TMPRSS13: variants seen among roughly 807,000 people sequenced by gnomAD.
TMPRSS13 encodes the protein transmembrane protease serine 13.
In TMPRSS13, 50 loss-of-function variants were observed where a neutral mutation model predicts 68.4. That is an observed-to-expected ratio of 0.73 (90% CI 0.58 to 0.93). The LOEUF (loss-of-function observed/expected upper bound fraction) is 0.93. TMPRSS13 is among the 40% of genes least tolerant of loss of function. The pLI, the probability that TMPRSS13 is intolerant of heterozygous loss-of-function variation, is 0.00. For missense variants in TMPRSS13, 615 were observed against 729.2 expected (o/e 0.84, Z 1.80); for synonymous variants, 267 against 285.8 (o/e 0.93, Z 0.66).
At position 117,922,591 on chromosome 11, in the gene TMPRSS13, C is replaced by G. The variant is rs1046444033; in HGVS notation, c.22-3753G>C. Among the ~76,000 whole-genome samples, 1 of 152,182 alleles carries G rather than the reference C, an allele frequency of 6.6e-6. No homozygotes were observed. The highest frequency in any genetic ancestry group is 2.4e-5 in the African/African-American group (1 of 41,454). ...AACCAGGACCAGAACCCAAGCTTCC[C>G]AAATCCTGGCCTTTGGCAGTGAGCC... On this transcript the variant is annotated intron_variant, in intron 1 of 12. Coordinates refer to ENST00000524993, the MANE Select transcript of TMPRSS13 (RefSeq NM_001077263.3). The surrounding 1 kb of genome is among the most constrained non-coding windows in gnomAD (Gnocchi z 4.2).
At position 117,922,467 on chromosome 11, in the gene TMPRSS13, T is replaced by G. The variant is rs914822999; in HGVS notation, c.22-3629A>C. Among the ~76,000 whole-genome samples, 13 of 152,168 alleles carry G rather than the reference T, an allele frequency of 8.5e-5. No homozygotes were observed. The highest frequency in any genetic ancestry group is 2.4e-4 in the African/African-American group (10 of 41,442). On this transcript the variant is annotated intron_variant, in intron 1 of 12. Coordinates refer to ENST00000524993, the MANE Select transcript of TMPRSS13 (RefSeq NM_001077263.3). This position sits in a 1 kb window ranked among gnomAD's most constrained non-coding sequence, Gnocchi z 4.2. Reference sequence around the variant, plus strand: ...CCAGGATGGTCTCGATCTCTTGATCTTGCGCCCGCCTCAGCCTCCCAAAGT... The same window carrying G: ...CCAGGATGGTCTCGATCTCTTGATCGTGCGCCCGCCTCAGCCTCCCAAAGT...
intron 1 of TMPRSS13, among the ~76,000 whole-genome samples, chr11:117,923,206 A>T (rs929415699): frequency 2.0e-5 from 3 of 152,196 alleles, no homozygotes; most frequent in Non-Finnish European, 4.4e-5. Context: ...ACAGCAGAGG[A>T]GGGACTAAAC....
At chr11:117,909,656 A>C (rs1382319867) in intron 8 of TMPRSS13, 150 bp downstream of exon 8, 3 of 917,598 alleles carry the variant, frequency 3.3e-6, no homozygotes, top group African/African-American at 3.3e-5. Flanking sequence ...GGACCAGGTG[A>C]ACACCCAAGC....
chr11:117,923,919 C>T (rs535582884), intron 1 of TMPRSS13, among the ~76,000 whole-genome samples: 7 of 150,762 alleles, frequency 4.6e-5, no homozygotes, highest in South Asian at 2.1e-4. Context: ...GGCCTGAGGG[C>T]GGGTGCATCA....
rs781345217 is a variant in TMPRSS13 at position 117,918,440 on chromosome 11, T to C, written c.420A>G (p.Ala140=). Residue 140 remains alanine (A), a synonymous_variant, in exon 2 of 13, where the codon GCA becomes GCG. Coordinates refer to ENST00000524993, the MANE Select transcript of TMPRSS13 (RefSeq NM_001077263.3). The part of the protein sequence containing the change: ...VPIRSSPARS[A]PATRATRESP... ...TCTCCCTGGTGGCCCTGGTTGCTGG[T>C]GCTGACCTGGCAGGAGATGATCGGA... 6.8e-6 allele frequency: 11 copies of C among 1,613,902 alleles called. No individual in the cohort carries two copies. The highest frequency in any genetic ancestry group is 9.3e-6 in the Non-Finnish European group (11 of 1,179,916).
chr11:117,929,165 G>C, intron 1 of TMPRSS13, 122 bp downstream of exon 1: 1 of 721,562 alleles, frequency 1.4e-6, no homozygotes, highest in Non-Finnish European at 2.1e-6. Flanking sequence ...CAAACTAGAA[G>C]AGGCACAGCC....
intron 5 of TMPRSS13, among the ~76,000 whole-genome samples, chr11:117,913,022 T>C (rs2057538786): frequency 6.6e-6 from 1 of 152,090 alleles, no homozygotes; most frequent in Admixed American, 6.5e-5. Context: ...GTGGAGAACA[T>C]GTTCTAAATC....
Position 117,914,253 on chromosome 11 carries a change from A to C in TMPRSS13, c.679+139T>G. On this transcript the variant is annotated intron_variant, in intron 4 of 12. Transcript: ENST00000524993. The surrounding 1 kb of genome is among the most constrained non-coding windows in gnomAD (Gnocchi z 4.2). ...TACGTGCACACACACATACATGCAT[A>C]CACACAAACATGCACATACACACAC... 1 of 1,180,676 alleles carries C rather than the reference A, an allele frequency of 8.5e-7. No individual in the cohort carries two copies. Among genetic ancestry groups the C allele is most frequent in the Non-Finnish European group, 1.2e-6 (1 of 818,828 alleles). 73.1% of individuals were successfully genotyped at this position (1,180,676 alleles called of 1,614,324 possible). A position where few individuals can be genotyped will look rare whatever the true frequency, so the allele number is the denominator to read the frequency against.
rs1197525041 is a variant in TMPRSS13, at chr11:117,914,256, C to CACAA, written c.679+132_679+135dup. 45 of 1,227,760 alleles carry CACAA rather than the reference C, an allele frequency of 3.7e-5. No individual in the cohort carries two copies. The highest frequency in any genetic ancestry group is 2.7e-4 in the Middle Eastern group (1 of 3,708). 76.1% of individuals were successfully genotyped at this position (1,227,760 alleles called of 1,614,324 possible). A position where few individuals can be genotyped will look rare whatever the true frequency, so the allele number is the denominator to read the frequency against. On this transcript the variant is annotated intron_variant, in intron 4 of 12. Coordinates refer to ENST00000524993, the MANE Select transcript of TMPRSS13 (RefSeq NM_001077263.3). This position sits in a 1 kb window ranked among gnomAD's most constrained non-coding sequence, Gnocchi z 4.2. The stretch of plus-strand genomic sequence containing the variant: ...GTGCACACACACATACATGCATACA[C>CACAA]ACAAACATGCACATACACACACATG...
intron 1 of TMPRSS13, among the ~76,000 whole-genome samples, chr11:117,924,370 T>C (rs1461594900): frequency 1.3e-5 from 2 of 152,120 alleles, no homozygotes. Flanking sequence ...TTCCCCTCTC[T>C]GTCCCTTACC....
Position 117,929,370 on chromosome 11 carries a change from C to T in TMPRSS13, c.-63G>A, listed in dbSNP as rs927604864. 33 of 1,514,512 alleles carry T rather than the reference C, an allele frequency of 2.2e-5. No individual in the cohort carries two copies. The highest frequency in any genetic ancestry group is 2.9e-5 in the Non-Finnish European group (32 of 1,106,068). 93.8% of individuals were successfully genotyped at this position (1,514,512 alleles called of 1,614,324 possible). ...GTCGAGGAGAAGATCCATCTTGGTC[C>T]CTGGCTTCTCAGGCATGTAGGGTAA... On this transcript the variant is annotated 5_prime_UTR_variant, in exon 1 of 13. Transcript: ENST00000524993.
rs373591989 is a variant in TMPRSS13 at position 117,908,748 on chromosome 11, G to A, written c.1146C>T (p.Tyr382=). ...REKVLEGWKV[Y]AGTSNLHQLP... ...ACTGGTGCAGGTTGCTGGTGCCCGCGTACACCTTCCAGCCCTCCAGGACCT... is the reference window on the plus strand; with the variant it reads ...ACTGGTGCAGGTTGCTGGTGCCCGCATACACCTTCCAGCCCTCCAGGACCT... The change falls in exon 9 of 13, where the codon TAC becomes TAT. Residue 382 remains tyrosine (Y), a synonymous_variant. Coordinates refer to ENST00000524993, the MANE Select transcript of TMPRSS13 (RefSeq NM_001077263.3). 1.7e-5 allele frequency: 27 copies of A among 1,609,418 alleles called. No homozygotes were observed. The highest frequency in any genetic ancestry group is 5.0e-5 in the Admixed American group (3 of 59,530).
rs766710618 is a variant in TMPRSS13, at chr11:117,910,672, A to G, written c.946+35T>C. 1.2e-5 allele frequency: 19 copies of G among 1,595,762 alleles called. No homozygotes were observed. In the South Asian group the frequency reaches 1.4e-4, roughly 11 times the overall value. On this transcript the variant is annotated intron_variant, in intron 7 of 12. Transcript: ENST00000524993. Reference sequence around the variant, plus strand: ...CCCCTCTGCCCTTTACTCCCACACGACACTGGCCACAATCCAAGAAGAAGA... The same window carrying G: ...CCCCTCTGCCCTTTACTCCCACACGGCACTGGCCACAATCCAAGAAGAAGA...
At chr11:117,911,242 A>C (rs2134891000) in intron 6 of TMPRSS13, among the ~76,000 whole-genome samples, 1 of 152,292 alleles carries the variant, frequency 6.6e-6, no homozygotes, top group South Asian at 2.1e-4. Context: ...GCTAGCTGGC[A>C]GAGACCCCAA....
In TMPRSS13 at chr11:117,901,965, C is replaced by T. The variant is rs903740362; in HGVS notation, c.*274G>A. On this transcript the variant is annotated 3_prime_UTR_variant, in exon 13 of 13. Transcript: ENST00000524993. ...ATGGACACTCCTGTAGGAACATCCA[C>T]GGTACTCAACTCTTGTCTCCAGGTA... 8.8e-5 allele frequency: 47 copies of T among 532,122 alleles called. No individual in the cohort carries two copies. Among genetic ancestry groups the T allele is most frequent in the Middle Eastern group, 1.0e-3 (2 of 1,946 alleles). The allele number at this position is 532,122 out of a possible 1,614,324, so 33.0% of individuals were successfully genotyped here.
intron 1 of TMPRSS13, among the ~76,000 whole-genome samples, chr11:117,919,464 G>A (rs1158598634): frequency 6.6e-6 from 1 of 152,240 alleles, no homozygotes; most frequent in Non-Finnish European, 1.5e-5. Context: ...ACATGGACAA[G>A]CCCCAGCTGC....
chr11:117,905,711 G>T lies in TMPRSS13; in HGVS notation c.1308C>A (p.Pro436=). 6.2e-7 allele frequency: 1 copy of T among 1,603,630 alleles called. No homozygotes were observed. Among genetic ancestry groups the T allele is most frequent in the Non-Finnish European group, 8.5e-7 (1 of 1,173,852 alleles). ...TGAGGCTAAAGGTCTGTCCATGCAT[G>T]GGGAGGCAAGCAGGGTGGATGTGAG... ...LSAHIHPACL[P]MHGQTFSLNE... is the part of the protein sequence containing the mutation. The change falls in exon 10 of 13, where the codon CCC becomes CCA. Residue 436 remains proline (P), a synonymous_variant. Transcript: ENST00000524993.
At position 117,909,814 on chromosome 11, in the gene TMPRSS13, G is replaced by A. The variant is rs2057502321; in HGVS notation, c.1101C>T (p.Cys367=). 1.2e-6 allele frequency: 2 copies of A among 1,610,326 alleles called. No homozygotes were observed. Among genetic ancestry groups the A allele is most frequent in the Non-Finnish European group, 1.7e-6 (2 of 1,178,614 alleles). Reference sequence around the variant, plus strand: ...GCCTCTCAGGCACTTACACGAAGAAGCAGTGGGCGGCAGTGAGCACCCACT... The same window carrying A: ...GCCTCTCAGGCACTTACACGAAGAAACAGTGGGCGGCAGTGAGCACCCACT... ...DAQWVLTAAH[C]FFVTREKVLE... Residue 367 remains cysteine (C), a synonymous_variant, in exon 8 of 13, where the codon TGC becomes TGT. Transcript: ENST00000524993.
rs1338937324 is a variant in TMPRSS13 at position 117,922,807 on chromosome 11, T to C, written c.22-3969A>G. Among the ~76,000 whole-genome samples the C allele has an allele frequency of 2.6e-5, 4 of 152,158 alleles. No homozygotes were observed. Among genetic ancestry groups the C allele is most frequent in the Non-Finnish European group, 4.4e-5 (3 of 68,026 alleles). On this transcript the variant is annotated intron_variant, in intron 1 of 12. Coordinates refer to ENST00000524993, the MANE Select transcript of TMPRSS13 (RefSeq NM_001077263.3). The surrounding 1 kb of genome is among the most constrained non-coding windows in gnomAD (Gnocchi z 4.2). ...AACCATTCTTTCCTGACCATGCCTC[T>C]CCTCCCCACCTACCCGTGGGGTAGT...
Sources: gnomAD v4.1 joint callset for allele counts (sites outside exome capture counted in the v4.1 genomes callset) on GRCh38, gnomAD v4.1.1 for gene constraint, Gnocchi (gnomAD v3.1) non-coding constraint, MANE v1.5 for transcripts, NCBI Gene and HGNC (gene_info 2026-07-23, HGNC 2026-07-21) for gene names.